Variants in FYB2 observed in about 807,000 individuals in gnomAD.
The protein encoded by FYB2 is FYN binding protein 2, also known as FYN-binding protein 2.
A neutral mutation model predicts 94.1 loss-of-function variants in FYB2; 103 were observed. That is an observed-to-expected ratio of 1.09 (90% CI 0.93 to 1.29). The LOEUF is 1.29. Among genes scored for constraint, FYB2 ranks in the 50% most tolerant of loss-of-function variants. The pLI is 0.00. For synonymous variants in FYB2, 293 were observed against 287.9 expected (o/e 1.02, Z -0.18); for missense variants, 896 against 841.5 (o/e 1.06, Z -0.80).
chr1:56,782,079 T>C (rs754970467), intron 4 of FYB2, among the ~76,000 whole-genome samples: 1 of 152,198 alleles, frequency 6.6e-6, no homozygotes, highest in Admixed American at 6.5e-5. Flanking sequence ...ATCAGGGTGA[T>C]TGAAATATCT....
At chr1:56,724,609 T>C (rs1644549995) in intron 16 of FYB2, among the ~76,000 whole-genome samples, 2 of 152,166 alleles carry the variant, frequency 1.3e-5, no homozygotes, top group African/African-American at 4.8e-5. Flanking sequence ...AATTTAGTTA[T>C]GTCACTCTCT....
intron 1 of FYB2, among the ~76,000 whole-genome samples, chr1:56,802,919 C>T (rs779948109): frequency 1.5e-4 from 23 of 152,162 alleles, no homozygotes; most frequent in Non-Finnish European, 2.8e-4. Context: ...AATCATCTTC[C>T]TAGCATCAAC....
At chr1:56,812,021 C>G (rs1646780635) in intron 1 of FYB2, among the ~76,000 whole-genome samples, 1 of 151,958 alleles carries the variant, frequency 6.6e-6, no homozygotes, top group Admixed American at 6.6e-5. Flanking sequence ...GGGTAGAGGG[C>G]TCAGAAAGTG....
chr1:56,727,628 T>A (rs1644611384), intron 15 of FYB2, among the ~76,000 whole-genome samples: 1 of 152,154 alleles, frequency 6.6e-6, no homozygotes, highest in Non-Finnish European at 1.5e-5. Context: ...ATCATATGTT[T>A]GTTAAAACTA....
intron 5 of FYB2, among the ~76,000 whole-genome samples, chr1:56,761,278 G>T (rs1278945460): frequency 6.6e-6 from 1 of 152,090 alleles, no homozygotes; most frequent in African/African-American, 2.4e-5. Flanking sequence ...CAGGCACTAT[G>T]CCAAGCATTT....
At chr1:56,780,135 T>C (rs1645973727) in intron 4 of FYB2, among the ~76,000 whole-genome samples, 1 of 152,150 alleles carries the variant, frequency 6.6e-6, no homozygotes, top group Non-Finnish European at 1.5e-5. Context: ...GTAGTTTCTA[T>C]TCAACCTTAC....
intron 2 of FYB2, among the ~76,000 whole-genome samples, chr1:56,791,709 G>A (rs1305981009): frequency 6.6e-6 from 1 of 152,204 alleles, no homozygotes; most frequent in Non-Finnish European, 1.5e-5. Context: ...GAATAATTGT[G>A]TTGTTTACCA....
chr1:56,804,678 C>T (rs562112837), intron 1 of FYB2, among the ~76,000 whole-genome samples: 43 of 152,072 alleles, frequency 2.8e-4, no homozygotes, highest in Middle Eastern at 3.4e-3. Flanking sequence ...TGCAGTGAGC[C>T]GAGATGGCAC....
intron 4 of FYB2, among the ~76,000 whole-genome samples, chr1:56,777,733 C>T (rs1645915088): frequency 6.6e-6 from 1 of 152,108 alleles, no homozygotes; most frequent in Admixed American, 6.6e-5. Context: ...GAGGCTGTTT[C>T]CTGCCTCTTC....
intron 1 of FYB2, among the ~76,000 whole-genome samples, chr1:56,811,128 G>T (rs1345714138): frequency 6.6e-6 from 1 of 152,028 alleles, no homozygotes; most frequent in Non-Finnish European, 1.5e-5. Context: ...CCGTCATCAG[G>T]CAGGTAGAAT....
chr1:56,778,966 G>C (rs1260397849), intron 4 of FYB2, among the ~76,000 whole-genome samples: 1 of 152,100 alleles, frequency 6.6e-6, no homozygotes, highest in Non-Finnish European at 1.5e-5. Flanking sequence ...TGACGAGAAG[G>C]AGCCATCAGG....
chr1:56,723,584 G>A lies in FYB2; in HGVS notation c.1974+4C>T, dbSNP rs191693949. 2.0e-5 allele frequency: 30 copies of A among 1,490,856 alleles called. No homozygotes were observed. The highest frequency in any genetic ancestry group is 4.8e-5 in the South Asian group (4 of 82,490). 92.4% of individuals were successfully genotyped at this position (1,490,856 alleles called of 1,614,324 possible). ...CTAATTTTTACCTTCAGAAGAGAAC[G>A]TACCTTAAACCTTTCTCTAAATAGT... On this transcript the variant is annotated splice_donor_region_variant and intron_variant, in intron 17 of 19. Transcript: ENST00000343433.
chr1:56,764,886 C>T (rs1483946832), intron 5 of FYB2, among the ~76,000 whole-genome samples: 1 of 152,194 alleles, frequency 6.6e-6, no homozygotes, highest in Non-Finnish European at 1.5e-5. Flanking sequence ...ACTGTGCCCT[C>T]ATATGGAGAA....
chr1:56,794,109 A>C (rs961028129), intron 1 of FYB2, among the ~76,000 whole-genome samples: 8 of 152,070 alleles, frequency 5.3e-5, no homozygotes, highest in African/African-American at 1.9e-4. Context: ...TGCATTTTTA[A>C]CTCCCCTTGG....
Position 56,797,652 on chromosome 1 carries a change from G to C in FYB2, c.10-4849C>G, listed in dbSNP as rs527322746. On this transcript the variant is annotated intron_variant, in intron 1 of 19. Coordinates refer to ENST00000343433, the MANE Select transcript of FYB2 (RefSeq NM_001004303.5). ...GCAGAGGTTCCTGTGCTACGTGGTG[G>C]GTAGCAGCATCGATGGATTCACATA... 9.2e-5 allele frequency among the ~76,000 whole-genome samples: 14 copies of C among 152,242 alleles called. No homozygotes were observed. The East Asian group carries it at 2.7e-3, about 29-fold the overall frequency.
At chr1:56,821,780 C>T (rs906634967), upstream of FYB2, among the ~76,000 whole-genome samples, 6 of 152,136 alleles carry the variant, frequency 3.9e-5, no homozygotes, top group African/African-American at 1.4e-4. Context: ...GGCCCCCATC[C>T]CATAAGTGGC....
intron 1 of FYB2, among the ~76,000 whole-genome samples, chr1:56,813,823 T>A (rs1162487386): frequency 6.6e-6 from 1 of 152,240 alleles, no homozygotes; most frequent in Non-Finnish European, 1.5e-5. Flanking sequence ...TATTTTTTCC[T>A]TTATAAATGA....
In FYB2 at chr1:56,719,667, T is replaced by A; in HGVS notation, c.*4A>T. 6.3e-7 allele frequency: 1 copy of A among 1,596,120 alleles called. No individual in the cohort carries two copies. The highest frequency in any genetic ancestry group is 8.6e-7 in the Non-Finnish European group (1 of 1,166,916). ...GCAGTCCATAGCATTTGATCTTGAT[T>A]TTTCTAAGGTGACCAACTTTGATGC... On this transcript the variant is annotated 3_prime_UTR_variant, in exon 20 of 20. Transcript: ENST00000343433.
intron 1 of FYB2, among the ~76,000 whole-genome samples, chr1:56,798,590 A>T (rs1397765284): frequency 1.3e-5 from 2 of 152,098 alleles, no homozygotes; most frequent in Admixed American, 1.3e-4. Context: ...AGGAAAAAAG[A>T]CTCCATCAAA....
Sources: allele counts gnomAD v4.1 joint callset (sites outside exome capture counted in the v4.1 genomes callset), GRCh38; gene constraint gnomAD v4.1.1; transcripts MANE v1.5; gene names NCBI Gene and HGNC (gene_info 2026-07-23, HGNC 2026-07-21).